FHOD3: variants seen among roughly 807,000 people sequenced by gnomAD.
FHOD3 encodes the protein formin homology 2 domain containing 3.
Under a neutral mutation model 173.0 loss-of-function variants are expected in FHOD3, and 90 were observed. The observed-to-expected ratio is 0.52, with a 90% CI of 0.44 to 0.62. The LOEUF (loss-of-function observed/expected upper bound fraction) is 0.62. Ranked by LOEUF, FHOD3 falls within the 20% of genes least tolerant of loss-of-function variation. The pLI is 0.00. For missense variants in FHOD3, 1,945 were observed against 2,034.7 expected, an observed-to-expected ratio of 0.96 and a Z score of 0.85; for synonymous variants, 828 against 823.0, an observed-to-expected ratio of 1.01 and a Z score of -0.10.
At chr18:36,617,435 T>C (rs1365685606) in intron 9 of FHOD3, among the ~76,000 whole-genome samples, 1 of 152,222 alleles carries the variant, frequency 6.6e-6, no homozygotes, top group East Asian at 1.9e-4. Context: ...ACCTGTTCCA[T>C]GTTGATATAT....
At chr18:36,629,080 C>T (rs934640367) in intron 10 of FHOD3, among the ~76,000 whole-genome samples, 21 of 152,302 alleles carry the variant, frequency 1.4e-4, no homozygotes, top group Middle Eastern at 3.4e-3. Flanking sequence ...TTTTAATATA[C>T]GTGGAAGAGT....
intron 23 of FHOD3, among the ~76,000 whole-genome samples, chr18:36,745,160 G>C (rs1261243443): frequency 6.6e-6 from 1 of 152,152 alleles, no homozygotes; most frequent in African/African-American, 2.4e-5. Flanking sequence ...GGCTTGTGGG[G>C]ACCTGGTGGC....
chr18:36,743,308 C>CAAA (rs57694311), intron 22 of FHOD3, among the ~76,000 whole-genome samples: 4 of 65,874 alleles, frequency 6.1e-5, no homozygotes, highest in Non-Finnish European at 8.0e-5. Flanking sequence ...GACTCTGTCT[C>CAAA]AAAAAAAAAA....
intron 10 of FHOD3, among the ~76,000 whole-genome samples, chr18:36,638,785 G>A (rs2148947011): frequency 6.6e-6 from 1 of 152,278 alleles, no homozygotes; most frequent in South Asian, 2.1e-4. Context: ...GAAGCGTTGA[G>A]GCATGCATTA....
chr18:36,390,998 T>C (rs2048276592), intron 3 of FHOD3, among the ~76,000 whole-genome samples: 1 of 152,228 alleles, frequency 6.6e-6, no homozygotes, highest in African/African-American at 2.4e-5. Flanking sequence ...TCCATGAATA[T>C]TCACCAGAAA....
rs375806404 is a variant in FHOD3 at position 36,718,937 on chromosome 18, T to G, written c.3417+222T>G. On this transcript the variant is annotated intron_variant, in intron 19 of 28. Transcript: ENST00000590592. ...TAACATGGTCACCAGCTTACTTATA[T>G]TAGGCAAAGGAGCTTTCAAAGAACC... Among the ~76,000 whole-genome samples the G allele has an allele frequency of 3.3e-5, 5 of 152,310 alleles. No individual in the cohort carries two copies. In the South Asian group the frequency reaches 6.2e-4, roughly 19 times the overall value.
At chr18:36,510,417 A>C (rs556290303) in intron 4 of FHOD3, among the ~76,000 whole-genome samples, 1 of 152,290 alleles carries the variant, frequency 6.6e-6, no homozygotes, top group South Asian at 2.1e-4. Context: ...CCTTATCTAC[A>C]TATGTGCATA....
chr18:36,393,228 G>T (rs2048385391), intron 3 of FHOD3, among the ~76,000 whole-genome samples: 1 of 152,226 alleles, frequency 6.6e-6, no homozygotes, highest in Non-Finnish European at 1.5e-5. Flanking sequence ...AAGCATTTAT[G>T]ATGGATCTGA....
chr18:36,424,025 G>A (rs1756802859), intron 3 of FHOD3, among the ~76,000 whole-genome samples: 1 of 152,148 alleles, frequency 6.6e-6, no homozygotes, highest in African/African-American at 2.4e-5. Flanking sequence ...GCAGAAAACT[G>A]CCTTCAGCTG....
At chr18:36,605,635 T>C (rs1290941780) in intron 8 of FHOD3, among the ~76,000 whole-genome samples, 1 of 145,972 alleles carries the variant, frequency 6.9e-6, no homozygotes, top group Non-Finnish European at 1.5e-5. Flanking sequence ...GGTATAATTT[T>C]TCACACACAA....
intron 8 of FHOD3, among the ~76,000 whole-genome samples, chr18:36,605,468 C>G (rs1248598605): frequency 6.6e-6 from 1 of 152,196 alleles, no homozygotes; most frequent in Admixed American, 6.5e-5. Context: ...CTTTCTCATC[C>G]TTTGTTAGTT....
intron 1 of FHOD3, among the ~76,000 whole-genome samples, chr18:36,305,021 G>A (rs1694753588): frequency 6.6e-6 from 1 of 152,156 alleles, no homozygotes; most frequent in South Asian, 2.1e-4. Flanking sequence ...GAAAATGTAA[G>A]TTGTATACCT....
chr18:36,366,984 C>G (rs1274966516), intron 2 of FHOD3, among the ~76,000 whole-genome samples: 1 of 152,208 alleles, frequency 6.6e-6, no homozygotes, highest in Non-Finnish European at 1.5e-5. Context: ...GCTTCTGTCT[C>G]TATACCACTC....
chr18:36,682,830 C>T (rs2038344243), intron 15 of FHOD3, among the ~76,000 whole-genome samples: 2 of 152,182 alleles, frequency 1.3e-5, no homozygotes, highest in Non-Finnish European at 2.9e-5. Flanking sequence ...CCACCTGCCT[C>T]AGCCTCCCAA....
At chr18:36,764,698 G>C (rs941121067) in intron 27 of FHOD3, among the ~76,000 whole-genome samples, 2 of 152,198 alleles carry the variant, frequency 1.3e-5, no homozygotes, top group African/African-American at 4.8e-5. Flanking sequence ...GGTCATCTTT[G>C]CTGGCGTATG....
chr18:36,318,784 C>T (rs1380223654), intron 1 of FHOD3, among the ~76,000 whole-genome samples: 1 of 152,206 alleles, frequency 6.6e-6, no homozygotes, highest in Non-Finnish European at 1.5e-5. Flanking sequence ...TGAGAGAGGG[C>T]ATCCTTGTCT....
chr18:36,676,129 A>G (rs1014134640), intron 14 of FHOD3, among the ~76,000 whole-genome samples: 1 of 152,166 alleles, frequency 6.6e-6, no homozygotes, highest in African/African-American at 2.4e-5. Context: ...TGAAACCCTT[A>G]TCCCTTTGAT....
intron 10 of FHOD3, among the ~76,000 whole-genome samples, chr18:36,631,406 C>G (rs2034502557): frequency 6.6e-6 from 1 of 152,130 alleles, no homozygotes; most frequent in South Asian, 2.1e-4. Context: ...AATAGCAACT[C>G]TTTATGTTTT....
In FHOD3 at chr18:36,540,941, CA is replaced by C. The variant is rs1250601914; in HGVS notation, c.511+28402del. Among the ~76,000 whole-genome samples, 12 of 152,260 alleles carry C rather than the reference CA, an allele frequency of 7.9e-5. 1 individual carries two copies. In the Middle Eastern group the frequency reaches 0.014, roughly 173 times the overall value. On this transcript the variant is annotated intron_variant, in intron 5 of 28. Transcript: ENST00000590592. The stretch of plus-strand genomic sequence containing the variant: ...GTTTCTTTTCCTGTTAGCATAGCCT[CA>C]AAAGGAGATTATTAAAAGAAATGTT...
Sources: gnomAD v4.1 joint callset for allele counts (sites outside exome capture counted in the v4.1 genomes callset) on GRCh38, gnomAD v4.1.1 for gene constraint, MANE v1.5 for transcripts, NCBI Gene and HGNC (gene_info 2026-07-23, HGNC 2026-07-21) for gene names.